USP35: variants seen among roughly 807,000 people sequenced by gnomAD.
USP35 encodes the protein ubiquitin carboxyl-terminal hydrolase 35.
In USP35, 69 loss-of-function variants were observed where a neutral mutation model predicts 83.8. That is an observed-to-expected ratio of 0.82 (90% CI 0.68 to 1.01). USP35 has a LOEUF of 1.01. USP35 is among the 50% of genes least tolerant of loss of function. The pLI is 0.00. For missense variants in USP35, 1,503 were observed against 1,362.5 expected, an observed-to-expected ratio of 1.10 and a Z score of -1.62; for synonymous variants, 714 against 589.5, an observed-to-expected ratio of 1.21 and a Z score of -3.06.
chr11:78,217,908 AG>A (rs951019384), downstream of USP35: 1 of 152,590 alleles, frequency 6.6e-6, no homozygotes, highest in Non-Finnish European at 1.5e-5. Context: ...GTGGTCCTCT[AG>A]GCATCATTCT....
intron 1 of USP35, among the ~76,000 whole-genome samples, chr11:78,189,703 G>A (rs536448107): frequency 2.6e-5 from 4 of 152,202 alleles, no homozygotes; most frequent in Non-Finnish European, 5.9e-5. Context: ...GGGTGGCCCC[G>A]CAGGGATAGG....
At position 78,214,172 on chromosome 11, in the gene USP35, G is replaced by A. The variant is rs1320589901; in HGVS notation, c.*359G>A. On this transcript the variant is annotated 3_prime_UTR_variant, in exon 11 of 11. Coordinates refer to ENST00000529308, the MANE Select transcript of USP35 (RefSeq NM_020798.4). ...CTCAGCTCCAATGTTTTGACATCAA[G>A]TACTATTTTCCTTCCGACTGCTGTA... 5.3e-6 allele frequency: 1 copy of A among 187,182 alleles called. No individual in the cohort carries two copies. Among genetic ancestry groups the A allele is most frequent in the Non-Finnish European group, 1.1e-5 (1 of 92,796 alleles). The allele number at this position is 187,182 out of a possible 1,614,324, so 11.6% of individuals were successfully genotyped here.
At chr11:78,213,519 C>T (rs1863889673) in intron 10 of USP35, 127 bp from the exon 11 acceptor site, 1 of 1,116,654 alleles carries the variant, frequency 9.0e-7, no homozygotes, top group South Asian at 2.7e-5. Flanking sequence ...CACTGAGCTG[C>T]AATGTCTCTG....
At chr11:78,219,372 A>G, downstream of USP35, 10 of 1,613,864 alleles carry the variant, frequency 6.2e-6, no homozygotes, top group Non-Finnish European at 7.6e-6. Flanking sequence ...GTCCACCTGA[A>G]CGTAGTCCAC....
rs2512526 is a variant in USP35, at chr11:78,210,481, G to C, written c.2626G>C (p.Ala876Pro). ...YAREGAARPAASLGTADRPEP... is the reference protein window; with the variant it reads ...YAREGAARPAPSLGTADRPEP... ...CCGTGAGGGCGCTGCCCGCCCTGCC[G>C]CTTCTCTGGGAACTGCCGATAGGCC... The change falls in exon 10 of 11, where the codon GCT becomes CCT. Residue 876 changes from alanine to proline, a missense_variant. Transcript: ENST00000529308. The C allele has an allele frequency of 0.93, 1,508,775 of 1,614,222 alleles. 709,656 individuals are homozygous for C. The highest frequency in any genetic ancestry group is 0.99 in the African/African-American group (74,314 of 75,074).
intron 7 of USP35, among the ~76,000 whole-genome samples, chr11:78,206,337 T>A (rs890701883): frequency 6.6e-6 from 1 of 152,182 alleles, no homozygotes; most frequent in Non-Finnish European, 1.5e-5. Context: ...GATTTTGTCT[T>A]CCAGAGTAGA....
intron 10 of USP35, among the ~76,000 whole-genome samples, chr11:78,212,520 T>G (rs1444481629): frequency 6.6e-6 from 1 of 152,090 alleles, no homozygotes; most frequent in African/African-American, 2.4e-5. Flanking sequence ...TTAATTACAT[T>G]GGGCAGTATG....
rs138743142 is a variant in USP35, at chr11:78,190,415, G to C, written c.-11+1258G>C. ...GCAAGACCAGGCCTGGGCAAAGGAG[G>C]GGGTGGTGACTGGACCAAAGGTTAG... On this transcript the variant is annotated intron_variant, in intron 1 of 10. Coordinates refer to ENST00000529308, the MANE Select transcript of USP35 (RefSeq NM_020798.4). Among the ~76,000 whole-genome samples the C allele has an allele frequency of 2.2e-3, 338 of 152,308 alleles. 1 individual carries two copies. Among genetic ancestry groups the C allele is most frequent in the African/African-American group, 7.8e-3 (326 of 41,570 alleles).
chr11:78,206,268 TG>T (rs1219819460), intron 7 of USP35, among the ~76,000 whole-genome samples: 1 of 152,178 alleles, frequency 6.6e-6, no homozygotes, highest in Non-Finnish European at 1.5e-5. Context: ...CCCTGGGAAG[TG>T]GGGTCTGCTC....
downstream of USP35, among the ~76,000 whole-genome samples, chr11:78,219,615 C>T (rs1282802541): frequency 6.6e-6 from 1 of 152,156 alleles, no homozygotes; most frequent in Non-Finnish European, 1.5e-5. Context: ...CATCATCCCT[C>T]CTGCAGGATG....
Position 78,200,669 on chromosome 11 carries a change from C to G in USP35, c.1058C>G (p.Pro353Arg), listed in dbSNP as rs73507220. 0.013 allele frequency: 20,595 copies of G among 1,612,358 alleles called. 1,709 individuals carry two copies. In the African/African-American group the frequency reaches 0.21, roughly 16 times the overall value. Residue 353 changes from proline to arginine, a missense_variant, in exon 6 of 11, where the codon CCC (proline) becomes CGC (arginine). Pro to Arg is a moderately radical substitution (Grantham distance 103). Transcript: ENST00000529308. ...AFHLLLPHIP[P>R]MVASLVKEDS... is the part of the protein sequence containing the mutation. ...CCACAGCTCCTCCCTCACATCCCCC[C>G]CATGGTGGCCTCTCTGGTCAAGGAG...
Position 78,214,110 on chromosome 11 carries a change from C to T in USP35, c.*297C>T, listed in dbSNP as rs114175884. 9.0e-3 allele frequency: 2,786 copies of T among 309,138 alleles called. 79 individuals are homozygous for T. Among genetic ancestry groups the T allele is most frequent in the African/African-American group, 0.056 (2,563 of 45,714 alleles). 19.1% of individuals were successfully genotyped at this position (309,138 alleles called of 1,614,324 possible). ...CTCCTTCCCTAGCAGGCTCCCCATGCGGGAAGATCTGATGATGTTCAGGAA... is the reference window on the plus strand; with the variant it reads ...CTCCTTCCCTAGCAGGCTCCCCATGTGGGAAGATCTGATGATGTTCAGGAA... On this transcript the variant is annotated 3_prime_UTR_variant, in exon 11 of 11. Coordinates refer to ENST00000529308, the MANE Select transcript of USP35 (RefSeq NM_020798.4).
the USP35 span, chr11:78,223,773 TG>T: frequency 9.7e-7 from 1 of 1,027,496 alleles, no homozygotes; most frequent in Middle Eastern, 2.2e-4. Flanking sequence ...AAGTCATGAC[TG>T]GGTTAGCTAT....
intron 1 of USP35, among the ~76,000 whole-genome samples, chr11:78,193,114 A>T (rs1312476018): frequency 6.6e-6 from 1 of 152,112 alleles, no homozygotes; most frequent in Non-Finnish European, 1.5e-5. Flanking sequence ...TGTGTGGGGG[A>T]GGTTGGCCAC....
In USP35 at chr11:78,203,991, C is replaced by T. The variant is rs368077700; in HGVS notation, c.1198-1851C>T. ...CTGCAAGCTCCGCCTCCCGGGTTCACGCCATTCTCCTGCCTCAGCCTCCCA... is the reference window on the plus strand; with the variant it reads ...CTGCAAGCTCCGCCTCCCGGGTTCATGCCATTCTCCTGCCTCAGCCTCCCA... On this transcript the variant is annotated intron_variant, in intron 6 of 10. Transcript: ENST00000529308. 2.7e-5 allele frequency among the ~76,000 whole-genome samples: 4 copies of T among 146,266 alleles called. No homozygotes were observed. The South Asian group carries it at 6.6e-4, about 24-fold the overall frequency.
chr11:78,233,227 G>A, the USP35 span, among the ~76,000 whole-genome samples: 3 of 152,078 alleles, frequency 2.0e-5, no homozygotes, highest in African/African-American at 7.3e-5. Context: ...TAGAGATGGG[G>A]TGTCGCCATG....
intron 1 of USP35, among the ~76,000 whole-genome samples, chr11:78,194,063 T>C (rs1018984025): frequency 7.4e-6 from 1 of 134,962 alleles, no homozygotes. Context: ...GCCCAGGTGC[T>C]TCTGAGGCAT....
At chr11:78,198,796 T>G in intron 3 of USP35, 1 of 714,884 alleles carries the variant, frequency 1.4e-6, no homozygotes, top group Non-Finnish European at 1.7e-6. Flanking sequence ...AACCTCTCTG[T>G]TTGAGTTTCC....
chr11:78,231,285 A>G, the USP35 span, among the ~76,000 whole-genome samples: 1 of 151,968 alleles, frequency 6.6e-6, no homozygotes, highest in Non-Finnish European at 1.5e-5. Context: ...GAGGCTATAG[A>G]GGCTATTGCC....
Sources: gnomAD v4.1 joint callset for allele counts (sites outside exome capture counted in the v4.1 genomes callset) on GRCh38, gnomAD v4.1.1 for gene constraint, MANE v1.5 for transcripts, NCBI Gene and HGNC (gene_info 2026-07-23, HGNC 2026-07-21) for gene names.